Variants in CRYL1 observed in about 807,000 individuals in gnomAD.
CRYL1 encodes the protein lambda-crystallin homolog.
A neutral mutation model predicts 36.6 loss-of-function variants in CRYL1; 29 were observed. That is an observed-to-expected ratio of 0.79 (90% confidence interval 0.59 to 1.08). The LOEUF is 1.08. Among genes scored for constraint, CRYL1 ranks in the 50% least tolerant of loss-of-function variants. The probability of loss-of-function intolerance (pLI) is 0.00; values close to 1 mark genes in which losing one functional copy is unlikely to be tolerated. For synonymous variants in CRYL1, 152 were observed against 151.5 expected (o/e 1.00, Z -0.02); for missense variants, 411 against 407.9 (o/e 1.01, Z -0.06).
chr13:20,509,072 T>C (rs1458769078), intron 2 of CRYL1, among the ~76,000 whole-genome samples: 1 of 151,386 alleles, frequency 6.6e-6, no homozygotes, highest in African/African-American at 2.4e-5. Context: ...CTTGTGCCTG[T>C]AATCTCAGCT....
At chr13:20,483,253 C>T (rs538152445) in intron 3 of CRYL1, among the ~76,000 whole-genome samples, 1 of 152,238 alleles carries the variant, frequency 6.6e-6, no homozygotes, top group South Asian at 2.1e-4. Flanking sequence ...GGGATTTTAC[C>T]ATGACACACT....
chr13:20,517,797 A>T (rs981973870), intron 1 of CRYL1, among the ~76,000 whole-genome samples: 1 of 143,962 alleles, frequency 6.9e-6, no homozygotes, highest in African/African-American at 2.6e-5. Context: ...TTAGCCGGGC[A>T]TGGTGGCGGA....
In CRYL1 at chr13:20,415,867, G is replaced by GT. The variant is rs58166650; in HGVS notation, c.634-2481dup. ...CTGAGCGCGCGTTCTTTCGTGACTT[G>GT]TCTCTCACCATCCTGTTTCTCAGAT... On this transcript the variant is annotated intron_variant, in intron 5 of 7. Coordinates refer to ENST00000298248, the MANE Select transcript of CRYL1 (RefSeq NM_015974.3). The surrounding 1 kb of genome is among the most constrained non-coding windows in gnomAD (Gnocchi z 4.1). 0.017 allele frequency among the ~76,000 whole-genome samples: 2,547 copies of GT among 152,308 alleles called. 64 individuals carry two copies. Among genetic ancestry groups the GT allele is most frequent in the African/African-American group, 0.056 (2,342 of 41,558 alleles).
At position 20,489,381 on chromosome 13, in the gene CRYL1, T is replaced by C; in HGVS notation, c.265A>G (p.Met89Val). Residue 89 changes from methionine (M) to valine (V), a missense_variant, in exon 3 of 8, where the codon ATG (methionine) becomes GTG (valine). Met to Val is a conservative substitution (Grantham distance 21). Coordinates refer to ENST00000298248, the MANE Select transcript of CRYL1 (RefSeq NM_015974.3). ...PNIQEAVEGA[M>V]HIQECVPEDL... ...TGTCCTTCACTCACCTGAATGTGCA[T>C]GGCACCCTCTACTGCTTCTTGGATA... 1 of 1,613,464 alleles carries C rather than the reference T, an allele frequency of 6.2e-7. No individual in the cohort carries two copies. Among genetic ancestry groups the C allele is most frequent in the East Asian group, 2.2e-5 (1 of 44,884 alleles).
intron 1 of CRYL1, among the ~76,000 whole-genome samples, chr13:20,518,910 G>C (rs1390881331): frequency 6.6e-6 from 1 of 152,198 alleles, no homozygotes; most frequent in Non-Finnish European, 1.5e-5. Flanking sequence ...AGAAAGGATG[G>C]AGATGTCATT....
intron 1 of CRYL1, among the ~76,000 whole-genome samples, chr13:20,524,367 A>G (rs1172895477): frequency 6.6e-6 from 1 of 151,924 alleles, no homozygotes; most frequent in Non-Finnish European, 1.5e-5. Context: ...AACTACCACC[A>G]CTGGTACAAA....
intron 2 of CRYL1, among the ~76,000 whole-genome samples, chr13:20,495,261 T>TAACG (rs970475382): frequency 2.2e-4 from 33 of 152,282 alleles, no homozygotes; most frequent in African/African-American, 7.9e-4. Flanking sequence ...ACTTAACAGT[T>TAACG]AACGTCAGGT....
At chr13:20,518,314 A>C (rs2034038311) in intron 1 of CRYL1, among the ~76,000 whole-genome samples, 1 of 152,152 alleles carries the variant, frequency 6.6e-6, no homozygotes, top group Non-Finnish European at 1.5e-5. Context: ...AGAAATGTTA[A>C]AAGCGCCACC....
chr13:20,486,626 C>A (rs1361043075), intron 3 of CRYL1, among the ~76,000 whole-genome samples: 1 of 152,204 alleles, frequency 6.6e-6, no homozygotes, highest in African/African-American at 2.4e-5. Flanking sequence ...AGGAATTAAA[C>A]CTACTAGTTT....
chr13:20,466,338 G>C (rs893266261), intron 3 of CRYL1, among the ~76,000 whole-genome samples: 14 of 152,200 alleles, frequency 9.2e-5, no homozygotes, highest in Non-Finnish European at 1.3e-4. Flanking sequence ...AAATTTTTAA[G>C]TATGTACATA....
chr13:20,423,212 C>G (rs993249940), intron 5 of CRYL1, among the ~76,000 whole-genome samples: 5 of 152,186 alleles, frequency 3.3e-5, no homozygotes, highest in Non-Finnish European at 7.3e-5. Flanking sequence ...ATGTTGCCAG[C>G]AAACAGTGAC....
chr13:20,472,063 A>G (rs2033073389), intron 3 of CRYL1, among the ~76,000 whole-genome samples: 1 of 151,874 alleles, frequency 6.6e-6, no homozygotes, highest in Admixed American at 6.6e-5. Context: ...GTTTCGCCAT[A>G]TTGACCAGGC....
At chr13:20,420,477 C>A (rs569628738) in intron 5 of CRYL1, among the ~76,000 whole-genome samples, 1 of 151,232 alleles carries the variant, frequency 6.6e-6, no homozygotes, top group Admixed American at 6.6e-5. Context: ...CTCACTGAGG[C>A]CTGACCTTAA....
chr13:20,404,512 C>A, intron 7 of CRYL1, 123 bp downstream of exon 7: 1 of 702,588 alleles, frequency 1.4e-6, no homozygotes, highest in Non-Finnish European at 2.5e-6. Flanking sequence ...TGAGGAACCA[C>A]CAAGATCAAG....
chr13:20,524,434 A>G (rs1219936801), intron 1 of CRYL1, among the ~76,000 whole-genome samples: 1 of 151,870 alleles, frequency 6.6e-6, no homozygotes, highest in African/African-American at 2.4e-5. Flanking sequence ...CTGGAGTGCA[A>G]TGGCACCATC....
chr13:20,487,043 A>G (rs1452240613), intron 3 of CRYL1, among the ~76,000 whole-genome samples: 1 of 152,196 alleles, frequency 6.6e-6, no homozygotes, highest in African/African-American at 2.4e-5. Context: ...AAAAAACAAT[A>G]TACTCTTTGA....
intron 5 of CRYL1, among the ~76,000 whole-genome samples, chr13:20,417,134 C>T (rs1298671320): frequency 6.6e-6 from 1 of 152,136 alleles, no homozygotes; most frequent in Non-Finnish European, 1.5e-5. Context: ...TATCATGTCC[C>T]CAAGGCAAAC....
chr13:20,484,112 G>A (rs1454736597), intron 3 of CRYL1, among the ~76,000 whole-genome samples: 1 of 152,182 alleles, frequency 6.6e-6, no homozygotes, highest in Non-Finnish European at 1.5e-5. Context: ...CACCGCGCCT[G>A]GCCAAAATAC....
Position 20,525,756 on chromosome 13 carries a change from GC to G in CRYL1, c.38del (p.Gly13AlafsTer20). The G allele has an allele frequency of 7.5e-7, 1 of 1,328,924 alleles. No homozygotes were observed. The highest frequency in any genetic ancestry group is 9.6e-7 in the Non-Finnish European group (1 of 1,036,988). The allele number at this position is 1,328,924 out of a possible 1,614,324, so 82.3% of individuals were successfully genotyped here. ...SSAAGCVVIV[G>X]SGVIGRSWAM... ...CAGCGCGGCTCGGAGCCCTTTACCT[GC>G]CAACGATCACCACGCAGCCGGCCGC... On this transcript the variant is annotated frameshift_variant, in exon 1 of 8. Transcript: ENST00000298248. LOFTEE classifies it high-confidence loss of function. This position sits in a 1 kb window ranked among gnomAD's most constrained non-coding sequence, Gnocchi z 4.3.
Sources: gnomAD v4.1 joint callset for allele counts (sites outside exome capture counted in the v4.1 genomes callset) on GRCh38, gnomAD v4.1.1 for gene constraint, Gnocchi (gnomAD v3.1) non-coding constraint, MANE v1.5 for transcripts, NCBI Gene and HGNC (gene_info 2026-07-23, HGNC 2026-07-21) for gene names.